Variants in DBP observed in about 807,000 individuals in gnomAD.
DBP encodes D site-binding protein.
DBP carries 12 observed loss-of-function variants against 21.4 expected under a neutral mutation model. The observed-to-expected ratio is 0.56, with a 90% CI of 0.36 to 0.91. The LOEUF is 0.91. Among genes scored for constraint, DBP ranks in the 40% least tolerant of loss-of-function variants. DBP has a pLI of 0.01. For synonymous variants in DBP, 213 were observed against 224.9 expected, an observed-to-expected ratio of 0.95 and a Z score of 0.47; for missense variants, 423 against 473.4, an observed-to-expected ratio of 0.89 and a Z score of 0.99.
At chr19:48,636,048 G>A (rs1168765838) in intron 1 of DBP, 58 bp from the exon 2 acceptor site, 4 of 1,434,592 alleles carry the variant, frequency 2.8e-6, no homozygotes, top group South Asian at 1.4e-5. Context: ...TAGAGATGGA[G>A]AAGAGACCCC....
chr19:48,634,490 G>A (rs552390716), intron 2 of DBP: 3 of 159,236 alleles, frequency 1.9e-5, no homozygotes, highest in African/African-American at 7.2e-5. Flanking sequence ...AGATTGGTTC[G>A]AAAGGAGGCG....
Position 48,630,518 on chromosome 19 carries a change from C to T in DBP, c.*319G>A. 6.5e-7 allele frequency: 1 copy of T among 1,533,942 alleles called. No individual in the cohort carries two copies. The highest frequency in any genetic ancestry group is 8.7e-7 in the Non-Finnish European group (1 of 1,145,974). On this transcript the variant is annotated 3_prime_UTR_variant, in exon 4 of 4. Transcript: ENST00000222122. The surrounding 1 kb of genome is among the most constrained non-coding windows in gnomAD (Gnocchi z 4.9). ...CCCGGAGCTGCCCACGGGCTGCAGCCAGTATGCCAGGGAGCTGCCCTCTTC... is the reference window on the plus strand; with the variant it reads ...CCCGGAGCTGCCCACGGGCTGCAGCTAGTATGCCAGGGAGCTGCCCTCTTC...
intron 2 of DBP, chr19:48,635,200 C>A: frequency 9.0e-7 from 1 of 1,109,922 alleles, no homozygotes; most frequent in Non-Finnish European, 1.1e-6. Flanking sequence ...AGTCCTATCC[C>A]AGTTCCATCG....
Position 48,635,754 on chromosome 19 carries a change from GC to G in DBP, c.375del (p.Glu125AspfsTer61). 1.4e-6 allele frequency: 2 copies of G among 1,387,024 alleles called. No individual in the cohort carries two copies. Among genetic ancestry groups the G allele is most frequent in the Non-Finnish European group, 1.9e-6 (2 of 1,076,794 alleles). The allele number at this position is 1,387,024 out of a possible 1,614,324, so 85.9% of individuals were successfully genotyped here. A position where few individuals can be genotyped will look rare whatever the true frequency, so the allele number is the denominator to read the frequency against. ...GGCGGCGGGCTGGGCGGGAGCCCGT[GC>G]TCCAGCAGGAAGGCGTCCAGGTCTA... is the stretch of plus-strand genomic sequence containing the variant. The part of the protein sequence containing the change: ...EYVDLDAFLL[E>X]HGLPPSPPPP... On this transcript the variant is annotated frameshift_variant, in exon 2 of 4. Coordinates refer to ENST00000222122, the MANE Select transcript of DBP (RefSeq NM_001352.5). LOFTEE classifies it high-confidence loss of function.
intron 2 of DBP, chr19:48,633,872 G>T: frequency 3.5e-6 from 2 of 571,464 alleles, no homozygotes; most frequent in South Asian, 4.3e-5. Flanking sequence ...AAGCCGAGGC[G>T]GCGAATCACC....
intron 2 of DBP, chr19:48,634,317 CA>C (rs2030702413): frequency 6.5e-6 from 1 of 153,940 alleles, no homozygotes; most frequent in Admixed American, 6.4e-5. Flanking sequence ...CTCAGGACTT[CA>C]GATGCACAGT....
At chr19:48,636,743 G>A in intron 1 of DBP, 113 bp downstream of exon 1, 4 of 1,303,890 alleles carry the variant, frequency 3.1e-6, no homozygotes, top group South Asian at 1.4e-5. Flanking sequence ...GTAGATTAAG[G>A]TTGGGAAGAT....
intron 3 of DBP, 199 bp from the exon 4 acceptor site, chr19:48,631,251 A>G (rs1004411984): frequency 3.4e-6 from 2 of 581,556 alleles, no homozygotes; most frequent in East Asian, 2.8e-5. Context: ...TAGACCCCCC[A>G]CCCTCAAGCA....
In DBP at chr19:48,630,831, G is replaced by T; in HGVS notation, c.*6C>A. On this transcript the variant is annotated 3_prime_UTR_variant, in exon 4 of 4. Transcript: ENST00000222122. This position sits in a 1 kb window ranked among gnomAD's most constrained non-coding sequence, Gnocchi z 4.9. ...GAGCTCCGCCAGGTGGGGATGTGGG[G>T]CAGCCTCACAGGGCCCCGTGCTGGG... 1 of 1,578,798 alleles carries T rather than the reference G, an allele frequency of 6.3e-7. No homozygotes were observed. The highest frequency in any genetic ancestry group is 2.3e-5 in the East Asian group (1 of 43,452).
Position 48,637,006 on chromosome 19 carries a change from TGCCCCCAG to T in DBP, c.-20_-13del. ...ACAGGCCGCGCCATCGCCTGGCACC[TGCCCCCAG>T]GCTCACGGGTTCATGGAGAGGCGAA... On this transcript the variant is annotated 5_prime_UTR_variant, in exon 1 of 4. Coordinates refer to ENST00000222122, the MANE Select transcript of DBP (RefSeq NM_001352.5). 3 of 1,484,346 alleles carry T rather than the reference TGCCCCCAG, an allele frequency of 2.0e-6. No individual in the cohort carries two copies. The highest frequency in any genetic ancestry group is 2.7e-6 in the Non-Finnish European group (3 of 1,121,538). The allele number at this position is 1,484,346 out of a possible 1,614,324, so 91.9% of individuals were successfully genotyped here.
rs2030840570 is a variant in DBP, at chr19:48,637,101, G to A, written c.-107C>T. The A allele has an allele frequency of 9.2e-7, 1 of 1,089,506 alleles. No homozygotes were observed. The highest frequency in any genetic ancestry group is 1.3e-6 in the Non-Finnish European group (1 of 796,032). The allele number at this position is 1,089,506 out of a possible 1,614,324, so 67.5% of individuals were successfully genotyped here. On this transcript the variant is annotated 5_prime_UTR_variant, in exon 1 of 4. Coordinates refer to ENST00000222122, the MANE Select transcript of DBP (RefSeq NM_001352.5). ...TTGGACGAGTGTCTGCCCAGGGGCG[G>A]GCGAGTGTAGCCTGCAACCCTCCAG...
chr19:48,634,685 A>C (rs2030718377), intron 2 of DBP: 3 of 985,332 alleles, frequency 3.0e-6, no homozygotes, highest in East Asian at 1.1e-4. Context: ...CGGAGGAGGG[A>C]TGGGAGGACT....
In DBP at chr19:48,635,985, G is replaced by T; in HGVS notation, c.145C>A (p.Leu49Met). The change falls in exon 2 of 4, where the codon CTG (leucine) becomes ATG (methionine). Residue 49 changes from leucine (L) to methionine (M), a missense_variant. This residue lies in a region of DBP where 283 missense variants were observed against 273.7 expected (regional missense o/e 1.03). Coordinates refer to ENST00000222122, the MANE Select transcript of DBP (RefSeq NM_001352.5). ...GCCGCCTTGCGCTCCTTTTCCTTCAGGAGACCTGCGGGCCGGGAAAGACGG... is the reference window on the plus strand; with the variant it reads ...GCCGCCTTGCGCTCCTTTTCCTTCATGAGACCTGCGGGCCGGGAAAGACGG... ...SKPKEPASCL[L>M]KEKERKAALP... The T allele has an allele frequency of 6.6e-7, 1 of 1,516,276 alleles. No individual in the cohort carries two copies. The highest frequency in any genetic ancestry group is 2.0e-5 in the Admixed American group (1 of 50,140). The allele number at this position is 1,516,276 out of a possible 1,614,324, so 93.9% of individuals were successfully genotyped here.
intron 2 of DBP, 53 bp from the exon 3 acceptor site, chr19:48,633,708 C>G: frequency 6.6e-7 from 1 of 1,503,816 alleles, no homozygotes; most frequent in Non-Finnish European, 9.2e-7. Context: ...AGGGGGTTTC[C>G]TGAAGCTACT....
Position 48,630,968 on chromosome 19 carries a change from T to C in DBP, c.847A>G (p.Ile283Val), listed in dbSNP as rs552614194. The C allele has an allele frequency of 8.1e-6, 13 of 1,613,630 alleles. 1 individual carries two copies. The highest frequency in any genetic ancestry group is 5.5e-5 in the South Asian group (5 of 91,032). Residue 283 changes from isoleucine to valine, a missense_variant, in exon 4 of 4, where the codon ATA becomes GTA. Physicochemically the swap from Ile to Val is conservative, Grantham distance 29. This residue lies in a region of DBP where 30 missense variants were observed against 70.9 expected (regional missense o/e 0.42). Coordinates refer to ENST00000222122, the MANE Select transcript of DBP (RefSeq NM_001352.5). The surrounding 1 kb of genome is among the most constrained non-coding windows in gnomAD (Gnocchi z 4.9). ...TCCAGGAAGGCCGCCCGCACCGATA[T>C]CTGGTTCTCCTTGAGCCGCCGGGCG... Reference protein sequence around the residue: ...RDARRLKENQISVRAAFLEKE... With the variant: ...RDARRLKENQVSVRAAFLEKE...
chr19:48,636,346 A>G (rs936262356), intron 1 of DBP, among the ~76,000 whole-genome samples: 5 of 152,026 alleles, frequency 3.3e-5, no homozygotes, highest in Non-Finnish European at 5.9e-5. Flanking sequence ...AAAAAATGAC[A>G]GCTCTGTAAT....
intron 2 of DBP, chr19:48,634,445 G>A (rs1274796577): frequency 6.6e-6 from 1 of 152,582 alleles, no homozygotes; most frequent in African/African-American, 2.4e-5. Context: ...GCTACTCGCT[G>A]GAAAGAGGAG....
rs1229117630 is a variant in DBP at position 48,637,172 on chromosome 19, C to T, written c.-178G>A. ...CTAGGAGCGACGGGGATTTGAGGTC[C>T]TCGGTGCAGAAACGTGCAACTCAAG... is the stretch of plus-strand genomic sequence containing the variant. On this transcript the variant is annotated 5_prime_UTR_variant, in exon 1 of 4. Transcript: ENST00000222122. 9.0e-6 allele frequency: 5 copies of T among 557,076 alleles called. No homozygotes were observed. Among genetic ancestry groups the T allele is most frequent in the African/African-American group, 2.0e-5 (1 of 50,544 alleles). 34.5% of individuals were successfully genotyped at this position (557,076 alleles called of 1,614,324 possible).
At chr19:48,636,148 A>G (rs2030787184) in intron 1 of DBP, among the ~76,000 whole-genome samples, 158 bp from the exon 2 acceptor site, 2 of 152,138 alleles carry the variant, frequency 1.3e-5, no homozygotes, top group Admixed American at 1.3e-4. Context: ...GGAGACGCAG[A>G]GTGGGAGAGA....
Sources: gnomAD v4.1 joint callset for allele counts (sites outside exome capture counted in the v4.1 genomes callset) on GRCh38, gnomAD v4.1.1 for gene constraint, gnomAD v4.1.1 regional missense constraint, Gnocchi (gnomAD v3.1) non-coding constraint, MANE v1.5 for transcripts, NCBI Gene and HGNC (gene_info 2026-07-23, HGNC 2026-07-21) for gene names.